The following SLC4A1AP variants were observed in gnomAD, a reference collection of about 807,000 sequenced individuals.
SLC4A1AP encodes the protein kanadaptin.
A neutral mutation model predicts 89.7 loss-of-function variants in SLC4A1AP; 64 were observed. That is an observed-to-expected ratio of 0.71 (90% CI 0.58 to 0.88). The LOEUF is 0.88. Ranked by LOEUF, SLC4A1AP falls within the 40% of genes least tolerant of loss-of-function variation. SLC4A1AP has a pLI of 0.00. For missense variants in SLC4A1AP, 931 were observed against 965.0 expected (o/e 0.96, Z 0.47); for synonymous variants, 366 against 353.3 (o/e 1.04, Z -0.40).
chr2:27,687,984 T>C (rs774938712), exon 11 of SLC4A1AP: 1 of 1,613,918 alleles, frequency 6.2e-7, no homozygotes, highest in African/African-American at 1.3e-5. Flanking sequence ...TTATCAAGAC[T>C]GTAGCAAAAC....
exon 10 of SLC4A1AP, chr2:27,685,065 C>G: frequency 6.2e-7 from 1 of 1,612,622 alleles, no homozygotes; most frequent in Non-Finnish European, 8.5e-7. Flanking sequence ...CCAGAACTCC[C>G]TCCAACTCTA....
intron 3 of SLC4A1AP, among the ~76,000 whole-genome samples, 160 bp downstream of exon 3, chr2:27,667,550 G>A (rs1196337527): frequency 6.6e-6 from 1 of 152,000 alleles, no homozygotes; most frequent in Non-Finnish European, 1.5e-5. Context: ...GGTTTATTTT[G>A]AAAATTATTC....
Position 27,675,515 on chromosome 2 carries a change from AT to A in SLC4A1AP, c.1346-13del. On this transcript the variant is annotated splice_polypyrimidine_tract_variant and intron_variant, in intron 5 of 13. Coordinates refer to ENST00000613058, the Ensembl canonical transcript of SLC4A1AP. ...TTTTTTAAAAACTTATTTATTCATC[AT>A]TTTATCTACCTCTAGTATCTCGGAA... The A allele has an allele frequency of 6.6e-7, 1 of 1,520,326 alleles. No homozygotes were observed. The highest frequency in any genetic ancestry group is 8.9e-7 in the Non-Finnish European group (1 of 1,129,796). 94.2% of individuals were successfully genotyped at this position (1,520,326 alleles called of 1,614,324 possible). A position where few individuals can be genotyped will look rare whatever the true frequency, so the allele number is the denominator to read the frequency against.
At chr2:27,686,118 T>C (rs1258639817) in intron 10 of SLC4A1AP, among the ~76,000 whole-genome samples, 2 of 152,176 alleles carry the variant, frequency 1.3e-5, no homozygotes, top group Admixed American at 1.3e-4. Context: ...AAACTGGCAC[T>C]GAATGTATGG....
chr2:27,676,016 T>C (rs1675515501), intron 6 of SLC4A1AP, among the ~76,000 whole-genome samples: 1 of 152,222 alleles, frequency 6.6e-6, no homozygotes, highest in African/African-American at 2.4e-5. Context: ...AAATTGACTT[T>C]AGCCTTCTGG....
At position 27,688,680 on chromosome 2, in the gene SLC4A1AP, GT is replaced by G. The variant is rs561261917; in HGVS notation, c.2204-11del. 1.8e-5 allele frequency: 27 copies of G among 1,505,994 alleles called. No individual in the cohort carries two copies. The highest frequency in any genetic ancestry group is 8.1e-5 in the Admixed American group (4 of 49,458). 93.3% of individuals were successfully genotyped at this position (1,505,994 alleles called of 1,614,324 possible). ...CTTATACTGAAAATAGCTATTGCCA[GT>G]TTTTTTTTCTTAAATTAGCATCAAA... On this transcript the variant is annotated intron_variant, in intron 11 of 13. Transcript: ENST00000613058.
chr2:27,688,560 C>T, intron 11 of SLC4A1AP, 140 bp from the exon 12 acceptor site: 4 of 603,150 alleles, frequency 6.6e-6, no homozygotes, highest in Admixed American at 3.4e-5. Flanking sequence ...GTTTTTACAG[C>T]AGTAGAAGGA....
At chr2:27,687,629 T>TA (rs988015673) in intron 10 of SLC4A1AP, among the ~76,000 whole-genome samples, 3 of 152,112 alleles carry the variant, frequency 2.0e-5, no homozygotes, top group Admixed American at 6.5e-5. Flanking sequence ...CTCTGATTTT[T>TA]AAAAAAATAT....
At chr2:27,680,619 G>A (rs1404863790) in intron 8 of SLC4A1AP, among the ~76,000 whole-genome samples, 2 of 151,936 alleles carry the variant, frequency 1.3e-5, no homozygotes, top group Non-Finnish European at 2.9e-5. Flanking sequence ...GTGAGACCCT[G>A]TCTCTACAAA....
At chr2:27,687,658 C>T (rs1354390243) in intron 10 of SLC4A1AP, among the ~76,000 whole-genome samples, 1 of 152,150 alleles carries the variant, frequency 6.6e-6, no homozygotes, top group African/African-American at 2.4e-5. Flanking sequence ...AGTAGAATTT[C>T]TAGGCCAAGG....
chr2:27,664,039 A>G (rs1206518202), exon 1 of SLC4A1AP: 3 of 1,614,046 alleles, frequency 1.9e-6, no homozygotes, highest in Non-Finnish European at 2.5e-6. Flanking sequence ...AGTTCTTCAA[A>G]CCCTGAGGAG....
At chr2:27,667,725 C>T (rs930590028) in intron 3 of SLC4A1AP, among the ~76,000 whole-genome samples, 10 of 151,952 alleles carry the variant, frequency 6.6e-5, no homozygotes, top group African/African-American at 2.4e-4. Flanking sequence ...TTTTTAATTC[C>T]GAATTCACCT....
chr2:27,675,709 G>A lies in SLC4A1AP; in HGVS notation c.1506+17G>A. 6.5e-7 allele frequency: 1 copy of A among 1,543,310 alleles called. No homozygotes were observed. The highest frequency in any genetic ancestry group is 1.9e-5 in the Admixed American group (1 of 53,108). ...GAATCATTGGCAAGTTTTATTTATG[G>A]AAGTAGCTGTGGTATTTAATAGTTT... On this transcript the variant is annotated intron_variant, in intron 6 of 13. Transcript: ENST00000613058.
intron 5 of SLC4A1AP, among the ~76,000 whole-genome samples, chr2:27,673,966 C>G (rs998417931): frequency 6.6e-6 from 1 of 151,466 alleles, no homozygotes; most frequent in Non-Finnish European, 1.5e-5. Flanking sequence ...AAAGTAGACT[C>G]AGCATCACCA....
chr2:27,677,819 C>T lies in SLC4A1AP; in HGVS notation c.1658C>T (p.Ser553Phe), dbSNP rs948374368. ...TCAGGCAGTACATTAGATGGTGTGT[C>T]CCGGAAGAAACTTCACCTGAGAACT... is the stretch of plus-strand genomic sequence containing the variant. The change falls in exon 8 of 14, where the codon TCC (serine) becomes TTC (phenylalanine). Residue 553 changes from serine (S) to phenylalanine (F), a missense_variant. Ser to Phe is a radical substitution (Grantham distance 155). Coordinates refer to ENST00000613058, the Ensembl canonical transcript of SLC4A1AP. 1.7e-5 allele frequency: 27 copies of T among 1,613,506 alleles called. No individual in the cohort carries two copies. In the Admixed American group the frequency reaches 3.5e-4, roughly 21 times the overall value.
chr2:27,682,586 G>A (rs1041405786), intron 9 of SLC4A1AP, among the ~76,000 whole-genome samples: 2 of 149,220 alleles, frequency 1.3e-5, no homozygotes, highest in Non-Finnish European at 3.0e-5. Flanking sequence ...GTGCAGTGGC[G>A]TGATCTCGGC....
intron 9 of SLC4A1AP, among the ~76,000 whole-genome samples, chr2:27,683,828 C>T (rs1412599225): frequency 6.6e-6 from 1 of 152,066 alleles, no homozygotes. Flanking sequence ...CTCCTCCTCC[C>T]GGGTTCAAGC....
chr2:27,684,986 CTTG>C, intron 9 of SLC4A1AP, 48 bp from the exon 10 acceptor site: 1 of 1,536,958 alleles, frequency 6.5e-7, no homozygotes, highest in Non-Finnish European at 8.7e-7. Flanking sequence ...AGATTTTTCT[CTTG>C]TTGTCATTAA....
chr2:27,668,336 G>A (rs1387710744), intron 3 of SLC4A1AP, among the ~76,000 whole-genome samples: 1 of 152,110 alleles, frequency 6.6e-6, no homozygotes, highest in East Asian at 1.9e-4. Flanking sequence ...ATTTTTAGTA[G>A]AGACGGGGTT....
Sources: allele counts gnomAD v4.1 joint callset (sites outside exome capture counted in the v4.1 genomes callset), GRCh38; gene constraint gnomAD v4.1.1; transcripts MANE v1.5; gene names NCBI Gene and HGNC (gene_info 2026-07-23, HGNC 2026-07-21).